DDX60L: variants seen among roughly 807,000 people sequenced by gnomAD.
The protein encoded by DDX60L is probable ATP-dependent RNA helicase DDX60-like.
Under a neutral mutation model 211.6 loss-of-function variants are expected in DDX60L, and 191 were observed. The observed-to-expected ratio is 0.90, with a 90% CI of 0.80 to 1.02. The LOEUF (loss-of-function observed/expected upper bound fraction) is 1.02, where lower values mean the gene tolerates loss of function less well. DDX60L is among the 50% of genes least tolerant of loss of function. The probability of loss-of-function intolerance (pLI) is 0.00; values close to 1 mark genes in which losing one functional copy is unlikely to be tolerated. For synonymous variants in DDX60L, 706 were observed against 694.1 expected (o/e 1.02, Z -0.27); for missense variants, 2,007 against 1,984.1 (o/e 1.01, Z -0.22).
chr4:168,452,793 T>A (rs1299627683), intron 8 of DDX60L, among the ~76,000 whole-genome samples: 2 of 152,150 alleles, frequency 1.3e-5, no homozygotes, highest in Non-Finnish European at 2.9e-5. Flanking sequence ...TTAATACACT[T>A]TTATTAAAAA....
At chr4:168,436,023 T>C (rs138527519) in intron 10 of DDX60L, among the ~76,000 whole-genome samples, 2 of 152,314 alleles carry the variant, frequency 1.3e-5, no homozygotes, top group African/African-American at 4.8e-5. Context: ...ATATCCTTTC[T>C]TAGGAGAAGG....
At chr4:168,427,576 A>G (rs982227834) in intron 13 of DDX60L, among the ~76,000 whole-genome samples, 1 of 152,242 alleles carries the variant, frequency 6.6e-6, no homozygotes, top group Non-Finnish European at 1.5e-5. Context: ...AATTATTAAT[A>G]AAAAAGTAAA....
chr4:168,427,238 C>A lies in DDX60L; in HGVS notation c.1762G>T (p.Asp588Tyr). 6.2e-7 allele frequency: 1 copy of A among 1,613,752 alleles called. No individual in the cohort carries two copies. The highest frequency in any genetic ancestry group is 8.5e-7 in the Non-Finnish European group (1 of 1,179,788). The change falls in exon 14 of 38, where the codon GAT becomes TAT. Residue 588 changes from aspartate to tyrosine, a missense_variant. Transcript: ENST00000682922. Reference protein sequence around the residue: ...EDQNKAQQNDDLLFSIEEEMK... With the variant: ...EDQNKAQQNDYLLFSIEEEMK... ...TCCTCTTCAATAGAAAACAGCAGAT[C>A]ATCGTTTTGCTGAGCTTTGTTCTGA...
At chr4:168,438,894 A>T (rs1479277135) in intron 10 of DDX60L, among the ~76,000 whole-genome samples, 2 of 152,154 alleles carry the variant, frequency 1.3e-5, no homozygotes, top group Admixed American at 1.3e-4. Flanking sequence ...TATTAAGCAG[A>T]TATTTTTGTT....
At chr4:168,407,586 T>C (rs1301344187) in intron 22 of DDX60L, among the ~76,000 whole-genome samples, 1 of 152,240 alleles carries the variant, frequency 6.6e-6, no homozygotes. Context: ...GTTTCTGTTA[T>C]GTTCATGTGT....
intron 24 of DDX60L, 74 bp from the exon 25 acceptor site, chr4:168,404,180 T>C: frequency 1.9e-6 from 2 of 1,058,766 alleles, no homozygotes; most frequent in Non-Finnish European, 2.6e-6. Flanking sequence ...AGGAATTATT[T>C]TGTTGTCTAA....
chr4:168,371,464 C>A (rs1465846647), intron 36 of DDX60L, 148 bp downstream of exon 36: 4 of 256,968 alleles, frequency 1.6e-5, no homozygotes, highest in Non-Finnish European at 2.7e-5. Flanking sequence ...ATTAAAATTT[C>A]TATTTAAAAA....
chr4:168,421,698 G>A (rs1750650947), intron 17 of DDX60L, 62 bp downstream of exon 17: 3 of 1,580,584 alleles, frequency 1.9e-6, no homozygotes, highest in Non-Finnish European at 2.6e-6. Context: ...GTGACCGTGT[G>A]CATTCTTTTT....
At chr4:168,422,019 T>TG in intron 16 of DDX60L, 110 bp from the exon 17 acceptor site, 1 of 1,388,112 alleles carries the variant, frequency 7.2e-7, no homozygotes, top group Non-Finnish European at 9.9e-7. Context: ...ATGCTACCTT[T>TG]GGGGGAACTC....
rs1211364745 is a variant in DDX60L at position 168,379,396 on chromosome 4, G to C, written c.4330C>G (p.Leu1444Val). 2.5e-6 allele frequency: 4 copies of C among 1,599,518 alleles called. No individual in the cohort carries two copies. In the South Asian group the frequency reaches 4.6e-5, roughly 18 times the overall value. ...GCTGGCTTACAGAGATTATGGAAAA[G>C]GCCTCTCTTGAGAAAATTTACAAAA... is the stretch of plus-strand genomic sequence containing the variant. ...LVFVNFLKRG[L>V]FHNLCKPAWK... is the part of the protein sequence containing the mutation. Residue 1444 changes from leucine (L) to valine (V), a missense_variant, in exon 32 of 38, where the codon CTT becomes GTT. Physicochemically the swap from Leu to Val is conservative, Grantham distance 32. Transcript: ENST00000682922.
At position 168,391,645 on chromosome 4, in the gene DDX60L, C is replaced by CT; in HGVS notation, c.3811-2dup. 5.8e-6 allele frequency: 8 copies of CT among 1,384,248 alleles called. No individual in the cohort carries two copies. The highest frequency in any genetic ancestry group is 1.4e-5 in the South Asian group (1 of 71,720). 85.7% of individuals were successfully genotyped at this position (1,384,248 alleles called of 1,614,324 possible). On this transcript the variant is annotated splice_acceptor_variant, in intron 28 of 37. Transcript: ENST00000682922. LOFTEE classifies it high-confidence loss of function. ...CAAGTGTTTCAGTAGCTGTCACTAC[C>CT]TAGGAAAAAAAAAAAAAAACAGTCA...
rs892004616 is a variant in DDX60L, at chr4:168,419,247, A to C, written c.2610+55T>G. On this transcript the variant is annotated intron_variant, in intron 19 of 37. Coordinates refer to ENST00000682922, the MANE Select transcript of DDX60L (RefSeq NM_001012967.3). ...AAGCCCTATATTCTTTAAATTACAA[A>C]TTATAGGGTGTATGCAGACTAGAAC... 4.0e-6 allele frequency: 5 copies of C among 1,253,610 alleles called. No homozygotes were observed. The African/African-American group carries it at 7.5e-5, about 19-fold the overall frequency. 77.7% of individuals were successfully genotyped at this position (1,253,610 alleles called of 1,614,324 possible).
intron 22 of DDX60L, among the ~76,000 whole-genome samples, chr4:168,412,402 G>A (rs1398759504): frequency 1.3e-5 from 2 of 152,122 alleles, no homozygotes; most frequent in East Asian, 3.9e-4. Flanking sequence ...TTCACCATAA[G>A]CTGACTGAAG....
At position 168,412,141 on chromosome 4, in the gene DDX60L, T is replaced by C. The variant is rs747605262; in HGVS notation, c.2979+3267A>G. On this transcript the variant is annotated intron_variant, in intron 22 of 37. Transcript: ENST00000682922. ...TACTCTGAGGCATGCTGGCTTCAGA[T>C]ATGACCCAGCACCTTCCTAGCTGTG... Among the ~76,000 whole-genome samples the C allele has an allele frequency of 2.0e-5, 3 of 151,674 alleles. No homozygotes were observed. The East Asian group carries it at 5.9e-4, about 30-fold the overall frequency.
chr4:168,450,468 C>A (rs1371493293), intron 8 of DDX60L, among the ~76,000 whole-genome samples: 2 of 141,848 alleles, frequency 1.4e-5, no homozygotes, highest in Admixed American at 1.4e-4. Flanking sequence ...ACTCTGGTCT[C>A]CCTCAAAAAA....
At position 168,405,965 on chromosome 4, in the gene DDX60L, A is replaced by G. The variant is rs1747681500; in HGVS notation, c.3198T>C (p.Asn1066=). The G allele has an allele frequency of 7.0e-6, 11 of 1,575,238 alleles. No homozygotes were observed. Among genetic ancestry groups the G allele is most frequent in the Non-Finnish European group, 9.5e-6 (11 of 1,163,346 alleles). The change falls in exon 24 of 38, where the codon AAT becomes AAC. Residue 1066 remains asparagine (N), a synonymous_variant. Transcript: ENST00000682922. ...LKAELTNWIK[N]GQVKKVKRVL... ...TGAAAATTACCTTCTTCACTTGGCC[A>G]TTTTTAATCCAATTTGTCAATTCTG...
Position 168,404,007 on chromosome 4 carries a change from C to A in DDX60L, c.3313G>T (p.Asp1105Tyr). ...PLLVEKLRQM[D>Y]KLPAIFFLFK... The stretch of plus-strand genomic sequence containing the variant: ...AAAAAAAATATTGCAGGCAACTTAT[C>A]CATTTGTCTTAACTTTTCAACAAGA... Residue 1105 changes from aspartate to tyrosine, a missense_variant, in exon 25 of 38, where the codon GAT (aspartate) becomes TAT (tyrosine). By Grantham distance (160) the Asp-to-Tyr change is radical. Transcript: ENST00000682922. The A allele has an allele frequency of 2.0e-6, 3 of 1,484,682 alleles. No individual in the cohort carries two copies. Among genetic ancestry groups the A allele is most frequent in the Non-Finnish European group, 2.7e-6 (3 of 1,103,582 alleles). The allele number at this position is 1,484,682 out of a possible 1,614,324, so 92.0% of individuals were successfully genotyped here. A position where few individuals can be genotyped will look rare whatever the true frequency, so the allele number is the denominator to read the frequency against.
At chr4:168,477,185 GC>G (rs1372140001) in intron 1 of DDX60L, among the ~76,000 whole-genome samples, 1 of 152,134 alleles carries the variant, frequency 6.6e-6, no homozygotes, top group East Asian at 1.9e-4. Flanking sequence ...GGAGGCCAAG[GC>G]GGACGGATCA....
chr4:168,410,623 G>A (rs1228875649), intron 22 of DDX60L, among the ~76,000 whole-genome samples: 1 of 152,164 alleles, frequency 6.6e-6, no homozygotes, highest in Non-Finnish European at 1.5e-5. Flanking sequence ...TCTTCACAAG[G>A]CAACTTGAAC....
Sources: gnomAD v4.1 joint callset for allele counts (sites outside exome capture counted in the v4.1 genomes callset) on GRCh38, gnomAD v4.1.1 for gene constraint, MANE v1.5 for transcripts, NCBI Gene and HGNC (gene_info 2026-07-23, HGNC 2026-07-21) for gene names.